BRINP3: variants seen among roughly 807,000 people sequenced by gnomAD.
BRINP3 encodes the protein BMP/retinoic acid inducible neural specific 3.
Under a neutral mutation model 71.0 loss-of-function variants are expected in BRINP3, and 19 were observed. The observed-to-expected ratio is 0.27, with a 90% CI of 0.19 to 0.39. The LOEUF (loss-of-function observed/expected upper bound fraction) is 0.39, where lower values mean the gene tolerates loss of function less well. Among genes scored for constraint, BRINP3 ranks in the 10% least tolerant of loss-of-function variants. BRINP3 has a pLI of 1.00. For synonymous variants in BRINP3, 380 were observed against 337.7 expected, an observed-to-expected ratio of 1.13 and a Z score of -1.37; for missense variants, 959 against 940.8, an observed-to-expected ratio of 1.02 and a Z score of -0.25.
intron 6 of BRINP3, among the ~76,000 whole-genome samples, chr1:190,179,518 A>AT (rs1336671341): frequency 1.3e-5 from 2 of 151,960 alleles, no homozygotes. Flanking sequence ...TTGACTTTCC[A>AT]TTTTTTCTAC....
Position 190,406,442 on chromosome 1 carries a change from GAACT to G in BRINP3, c.236+48209_236+48212del, listed in dbSNP as rs1268400582. On this transcript the variant is annotated intron_variant, in intron 2 of 7. Coordinates refer to ENST00000367462, the MANE Select transcript of BRINP3 (RefSeq NM_199051.3). ...TATTTTCGTACTGCTGCAAGTGTCA[GAACT>G]ATCTAGATGAATCTCCTGACAGATC... 2.0e-5 allele frequency among the ~76,000 whole-genome samples: 3 copies of G among 152,242 alleles called. No individual in the cohort carries two copies. In the East Asian group the frequency reaches 5.8e-4, roughly 29 times the overall value.
At chr1:190,116,157 A>G (rs747039055) in intron 7 of BRINP3, among the ~76,000 whole-genome samples, 39 of 152,098 alleles carry the variant, frequency 2.6e-4, no homozygotes, top group Non-Finnish European at 4.9e-4. Flanking sequence ...CTATGCTACA[A>G]TAGATTCTGG....
intron 3 of BRINP3, among the ~76,000 whole-genome samples, chr1:190,266,285 A>G (rs1160755346): frequency 1.3e-5 from 2 of 152,152 alleles, no homozygotes; most frequent in Non-Finnish European, 2.9e-5. Flanking sequence ...AATAATATCA[A>G]TTTTAAAATG....
chr1:190,442,129 G>T (rs1166025654), intron 2 of BRINP3, among the ~76,000 whole-genome samples: 1 of 152,104 alleles, frequency 6.6e-6, no homozygotes, highest in Non-Finnish European at 1.5e-5. Context: ...GATAAACATG[G>T]AGATGTATTC....
chr1:190,337,457 A>C (rs527511110), intron 2 of BRINP3, among the ~76,000 whole-genome samples: 14 of 152,214 alleles, frequency 9.2e-5, no homozygotes, highest in African/African-American at 3.1e-4. Context: ...CCATCTAATC[A>C]GCTGCCAGCA....
chr1:190,220,002 C>CA (rs1187231871), intron 6 of BRINP3, among the ~76,000 whole-genome samples: 39 of 151,826 alleles, frequency 2.6e-4, no homozygotes, highest in African/African-American at 9.4e-4. Context: ...TATTGGTATT[C>CA]AAAAGTGAGC....
At chr1:190,412,729 T>A (rs1012341603) in intron 2 of BRINP3, among the ~76,000 whole-genome samples, 2 of 151,978 alleles carry the variant, frequency 1.3e-5, no homozygotes, top group African/African-American at 4.8e-5. Context: ...CCCAAAGTGC[T>A]GGGATTACAG....
chr1:190,416,346 G>T (rs1170484086), intron 2 of BRINP3, among the ~76,000 whole-genome samples: 4 of 152,030 alleles, frequency 2.6e-5, no homozygotes, highest in African/African-American at 9.7e-5. Context: ...ACATCCACTA[G>T]ATGGTAATAG....
At chr1:190,367,006 C>A (rs1264814336) in intron 2 of BRINP3, among the ~76,000 whole-genome samples, 2 of 152,166 alleles carry the variant, frequency 1.3e-5, no homozygotes, top group Admixed American at 6.5e-5. Flanking sequence ...ACGGTGCAAG[C>A]TGTCAGTGGA....
chr1:190,301,665 A>C (rs561739110), intron 2 of BRINP3, among the ~76,000 whole-genome samples: 1 of 151,966 alleles, frequency 6.6e-6, no homozygotes, highest in African/African-American at 2.4e-5. Context: ...TGTTGAGAAA[A>C]CAAAGCAAGG....
intron 6 of BRINP3, among the ~76,000 whole-genome samples, chr1:190,216,790 A>T (rs1656456534): frequency 6.6e-6 from 1 of 151,902 alleles, no homozygotes; most frequent in Admixed American, 6.6e-5. Flanking sequence ...GTATGGTACC[A>T]GTTATTAGCA....
intron 2 of BRINP3, among the ~76,000 whole-genome samples, chr1:190,382,831 G>C (rs539813606): frequency 1.3e-5 from 2 of 152,084 alleles, no homozygotes; most frequent in South Asian, 2.1e-4. Context: ...GCCTAGTTAC[G>C]AGCCTAGAAG....
intron 2 of BRINP3, among the ~76,000 whole-genome samples, chr1:190,338,859 A>T (rs553052339): frequency 2.0e-4 from 30 of 152,014 alleles, no homozygotes; most frequent in African/African-American, 7.0e-4. Flanking sequence ...TTCACAAAGG[A>T]CTAAAAACAT....
At chr1:190,325,069 A>C (rs1044561971) in intron 2 of BRINP3, among the ~76,000 whole-genome samples, 1 of 152,110 alleles carries the variant, frequency 6.6e-6, no homozygotes, top group South Asian at 2.1e-4. Context: ...TCGGCAGCAT[A>C]GTAGGACAAA....
intron 2 of BRINP3, among the ~76,000 whole-genome samples, chr1:190,432,958 T>A (rs1674198611): frequency 6.6e-6 from 1 of 152,224 alleles, no homozygotes; most frequent in Admixed American, 6.5e-5. Context: ...GTTTATAAGA[T>A]GTTTCATAAA....
intron 2 of BRINP3, among the ~76,000 whole-genome samples, chr1:190,451,197 A>AT (rs397740922): frequency 8.6e-4 from 130 of 151,406 alleles, no homozygotes; most frequent in Admixed American, 2.2e-3. Flanking sequence ...GAAAAAAAAA[A>AT]TTTTTGTTTT....
intron 6 of BRINP3, among the ~76,000 whole-genome samples, chr1:190,214,636 C>A (rs1331196434): frequency 6.6e-6 from 1 of 151,968 alleles, no homozygotes; most frequent in Non-Finnish European, 1.5e-5. Flanking sequence ...TTAGTGTATG[C>A]ATTGTTTGTG....
chr1:190,446,108 T>G (rs1462128238), intron 2 of BRINP3, among the ~76,000 whole-genome samples: 1 of 152,130 alleles, frequency 6.6e-6, no homozygotes, highest in Non-Finnish European at 1.5e-5. Context: ...CTAAACTATT[T>G]ATATTTCTAT....
At chr1:190,412,936 G>A (rs925114220) in intron 2 of BRINP3, among the ~76,000 whole-genome samples, 17 of 151,928 alleles carry the variant, frequency 1.1e-4, no homozygotes, top group Admixed American at 3.9e-4. Context: ...AAAATAGGAA[G>A]GAAGGCAGGC....
Sources: allele counts gnomAD v4.1 joint callset (sites outside exome capture counted in the v4.1 genomes callset), GRCh38; gene constraint gnomAD v4.1.1; transcripts MANE v1.5; gene names NCBI Gene and HGNC (gene_info 2026-07-23, HGNC 2026-07-21).